The following EPB41L4A variants were observed in gnomAD, a reference collection of about 807,000 sequenced individuals.
The protein encoded by EPB41L4A is band 4.1-like protein 4A.
EPB41L4A carries 100 observed loss-of-function variants against 108.6 expected under a neutral mutation model. The ratio of observed to expected loss-of-function variants is 0.92; its 90% CI spans 0.78 to 1.09. The LOEUF (loss-of-function observed/expected upper bound fraction) is 1.09, where lower values mean the gene tolerates loss of function less well. Ranked by LOEUF, EPB41L4A falls within the 50% of genes least tolerant of loss-of-function variation. The pLI is 0.00. For synonymous variants in EPB41L4A, 319 were observed against 289.0 expected, an observed-to-expected ratio of 1.10 and a Z score of -1.05; for missense variants, 1,030 against 842.7, an observed-to-expected ratio of 1.22 and a Z score of -2.75.
At chr5:112,365,909 A>T (rs1278940846) in intron 1 of EPB41L4A, among the ~76,000 whole-genome samples, 1 of 152,224 alleles carries the variant, frequency 6.6e-6, no homozygotes, top group African/African-American at 2.4e-5. Context: ...CAGCGCAAGG[A>T]TCTCTGATAA....
At chr5:112,324,793 A>C (rs1756039236) in intron 1 of EPB41L4A, among the ~76,000 whole-genome samples, 1 of 151,956 alleles carries the variant, frequency 6.6e-6, no homozygotes, top group Admixed American at 6.6e-5. Flanking sequence ...GGGGACAGAG[A>C]ATTGAAGAGA....
intron 1 of EPB41L4A, among the ~76,000 whole-genome samples, chr5:112,346,482 A>C (rs1441181448): frequency 6.6e-6 from 1 of 152,068 alleles, no homozygotes; most frequent in Admixed American, 6.6e-5. Flanking sequence ...TTAGCCTTCC[A>C]AAGTGCTGGG....
intron 3 of EPB41L4A, among the ~76,000 whole-genome samples, chr5:112,276,442 T>C (rs1245448024): frequency 6.6e-6 from 1 of 152,234 alleles, no homozygotes; most frequent in Non-Finnish European, 1.5e-5. Flanking sequence ...TAATCTGTAC[T>C]GTTTCCAAAA....
At chr5:112,333,881 C>T (rs1188498555) in intron 1 of EPB41L4A, among the ~76,000 whole-genome samples, 1 of 152,166 alleles carries the variant, frequency 6.6e-6, no homozygotes, top group South Asian at 2.1e-4. Context: ...TAGCTCAGCA[C>T]CAACCTTAGA....
intron 1 of EPB41L4A, among the ~76,000 whole-genome samples, chr5:112,353,940 G>A (rs1474361): frequency 6.6e-6 from 1 of 151,976 alleles, no homozygotes; most frequent in African/African-American, 2.4e-5. Context: ...AGCCCCCAGT[G>A]ATGTACACGG....
At chr5:112,339,504 A>AGATATC (rs1757149835) in intron 1 of EPB41L4A, among the ~76,000 whole-genome samples, 5 of 39,932 alleles carry the variant, frequency 1.3e-4, no homozygotes, top group East Asian at 1.1e-3. Context: ...ATCTATATAT[A>AGATATC]TATATAGATA....
chr5:112,386,950 T>A (rs1760584375), intron 1 of EPB41L4A, among the ~76,000 whole-genome samples: 1 of 152,220 alleles, frequency 6.6e-6, no homozygotes, highest in African/African-American at 2.4e-5. Flanking sequence ...ACTGACAGTG[T>A]TCCTATCTGT....
At position 112,266,326 on chromosome 5, in the gene EPB41L4A, G is replaced by C; in HGVS notation, c.340C>G (p.Gln114Glu). The C allele has an allele frequency of 6.3e-7, 1 of 1,593,554 alleles. No individual in the cohort carries two copies. The highest frequency in any genetic ancestry group is 1.3e-5 in the African/African-American group (1 of 74,610). ...CKLKEEITRYQFFLQVKQDVL... is the reference protein window; with the variant it reads ...CKLKEEITRYEFFLQVKQDVL... ...TCTTGCTTCACCTGCAAGAAAAACT[G>C]ATATCTAAAAGAGAAACAAAAAGAG... Residue 114 changes from glutamine to glutamate, a missense_variant, in exon 5 of 23, where the codon CAG becomes GAG. Transcript: ENST00000261486.
At chr5:112,380,229 G>T (rs1432949354) in intron 1 of EPB41L4A, among the ~76,000 whole-genome samples, 1 of 152,110 alleles carries the variant, frequency 6.6e-6, no homozygotes, top group East Asian at 1.9e-4. Context: ...AAACTAGTCA[G>T]ATTTAGAAGG....
chr5:112,353,605 T>C (rs1429506348), intron 1 of EPB41L4A, among the ~76,000 whole-genome samples: 2 of 151,914 alleles, frequency 1.3e-5, no homozygotes, highest in Non-Finnish European at 1.5e-5. Context: ...ATCCCAGCAG[T>C]GGTACACATG....
intron 4 of EPB41L4A, among the ~76,000 whole-genome samples, chr5:112,271,620 T>A (rs961929055): frequency 6.6e-6 from 1 of 152,206 alleles, no homozygotes; most frequent in Non-Finnish European, 1.5e-5. Context: ...ATTATACTTA[T>A]CAAATCTGGA....
intron 1 of EPB41L4A, among the ~76,000 whole-genome samples, chr5:112,396,457 C>T (rs1761356971): frequency 6.6e-6 from 1 of 152,122 alleles, no homozygotes; most frequent in Non-Finnish European, 1.5e-5. Flanking sequence ...AACAAATTAC[C>T]CCAAAACGTA....
chr5:112,286,105 C>T (rs1753260676), intron 2 of EPB41L4A, among the ~76,000 whole-genome samples: 1 of 152,058 alleles, frequency 6.6e-6, no homozygotes, highest in South Asian at 2.1e-4. Context: ...ATTCTGACTC[C>T]ACCAAGACAC....
At chr5:112,356,091 G>T (rs968621852) in intron 1 of EPB41L4A, among the ~76,000 whole-genome samples, 1 of 152,098 alleles carries the variant, frequency 6.6e-6, no homozygotes, top group African/African-American at 2.4e-5. Context: ...AATTTTGGAA[G>T]GGGGGTAAGG....
chr5:112,181,816 T>G (rs1761173045), intron 18 of EPB41L4A, among the ~76,000 whole-genome samples: 1 of 152,174 alleles, frequency 6.6e-6, no homozygotes, highest in Non-Finnish European at 1.5e-5. Flanking sequence ...TGCACACCTG[T>G]AATCTCAGCA....
At chr5:112,154,581 T>A (rs1313063724) in intron 12 of EPB41L4A, among the ~76,000 whole-genome samples, 2 of 152,210 alleles carry the variant, frequency 1.3e-5, no homozygotes, top group African/African-American at 4.8e-5. Context: ...AAAGACATGA[T>A]ATTAATAATG....
At chr5:112,311,426 T>C (rs1219970532) in intron 1 of EPB41L4A, among the ~76,000 whole-genome samples, 2 of 152,162 alleles carry the variant, frequency 1.3e-5, no homozygotes, top group Admixed American at 6.5e-5. Context: ...ATGAAAAGAA[T>C]TTACTGAAAA....
chr5:112,268,276 G>A (rs1398374665), intron 4 of EPB41L4A, among the ~76,000 whole-genome samples: 2 of 152,190 alleles, frequency 1.3e-5, no homozygotes, highest in Non-Finnish European at 2.9e-5. Flanking sequence ...TACTTGGGAA[G>A]GTGAGGCAGC....
At chr5:112,273,169 A>G (rs887600225) in intron 4 of EPB41L4A, among the ~76,000 whole-genome samples, 1 of 152,234 alleles carries the variant, frequency 6.6e-6, no homozygotes, top group Non-Finnish European at 1.5e-5. Flanking sequence ...TAATGTGCAT[A>G]TATCAATGTA....
Sources: gnomAD v4.1 joint callset for allele counts (sites outside exome capture counted in the v4.1 genomes callset) on GRCh38, gnomAD v4.1.1 for gene constraint, MANE v1.5 for transcripts, NCBI Gene and HGNC (gene_info 2026-07-23, HGNC 2026-07-21) for gene names.